Variants in NEBL observed in about 807,000 individuals in gnomAD.
The protein encoded by NEBL is LIM and SH3 protein 2.
In NEBL, 122 loss-of-function variants were observed where a neutral mutation model predicts 140.2. The ratio of observed to expected loss-of-function variants is 0.87; its 90% CI spans 0.75 to 1.01. The LOEUF (loss-of-function observed/expected upper bound fraction) is 1.01, where lower values mean the gene tolerates loss of function less well. NEBL is among the 50% of genes least tolerant of loss of function. The probability of loss-of-function intolerance (pLI) is 0.00; values close to 1 mark genes in which losing one functional copy is unlikely to be tolerated. For synonymous variants in NEBL, 436 were observed against 398.9 expected (o/e 1.09, Z -1.11); for missense variants, 1,365 against 1,231.3 (o/e 1.11, Z -1.62).
intron 3 of NEBL, among the ~76,000 whole-genome samples, chr10:21,015,510 G>T (rs1414601806): frequency 6.6e-6 from 1 of 152,090 alleles, no homozygotes; most frequent in Admixed American, 6.5e-5. Flanking sequence ...TCTGTTTTTT[G>T]GGGTTTTTTG....
intron 4 of NEBL, among the ~76,000 whole-genome samples, chr10:20,932,831 A>G (rs1834261225): frequency 6.6e-6 from 1 of 152,344 alleles, no homozygotes; most frequent in Non-Finnish European, 1.5e-5. Flanking sequence ...TAACCTCAGC[A>G]ATCCCTAACT....
At chr10:20,996,256 A>G (rs192744430) in intron 3 of NEBL, among the ~76,000 whole-genome samples, 13 of 152,328 alleles carry the variant, frequency 8.5e-5, no homozygotes, top group Admixed American at 7.2e-4. Flanking sequence ...CCCAGGGGGT[A>G]GGGCAAACTA....
intron 3 of NEBL, among the ~76,000 whole-genome samples, chr10:21,228,189 T>C (rs904979353): frequency 6.6e-6 from 1 of 152,090 alleles, no homozygotes; most frequent in African/African-American, 2.4e-5. Flanking sequence ...GATCTCACTG[T>C]GTCACCCAGG....
chr10:21,253,676 T>A (rs2132274542), intron 1 of NEBL, among the ~76,000 whole-genome samples: 1 of 151,904 alleles, frequency 6.6e-6, no homozygotes, highest in East Asian at 1.9e-4. Flanking sequence ...CCCGAGTAGC[T>A]GGGATTACAG....
intron 22 of NEBL, among the ~76,000 whole-genome samples, chr10:20,814,376 A>T (rs1169360141): frequency 6.6e-6 from 1 of 151,862 alleles, no homozygotes; most frequent in Non-Finnish European, 1.5e-5. Flanking sequence ...TGGGAGGATG[A>T]CTTGAGGCCT....
intron 10 of NEBL, among the ~76,000 whole-genome samples, chr10:20,851,856 A>C (rs566851059): frequency 6.6e-6 from 1 of 152,304 alleles, no homozygotes; most frequent in Admixed American, 6.5e-5. Flanking sequence ...TTCCAAACTT[A>C]AAGGGGAACT....
chr10:20,970,716 T>C (rs570139045), intron 3 of NEBL, among the ~76,000 whole-genome samples: 229 of 152,254 alleles, frequency 1.5e-3, no homozygotes, highest in Middle Eastern at 6.8e-3. Flanking sequence ...ATATATCATC[T>C]TCAGATAAAT....
At chr10:20,853,045 G>A (rs1460806572) in intron 9 of NEBL, among the ~76,000 whole-genome samples, 1 of 152,126 alleles carries the variant, frequency 6.6e-6, no homozygotes, top group Non-Finnish European at 1.5e-5. Context: ...CAAAAGAAGA[G>A]AAGGAAAGAA....
In NEBL at chr10:21,234,333, T is replaced by C. The variant is rs79209710; in HGVS notation, n.348+13588A>G. On this transcript the variant is annotated intron_variant and non_coding_transcript_variant, in intron 3 of 8. Coordinates refer to the NEBL transcript ENST00000675702. ...GAACAGCTTGGTGCTATCCTATCAG[T>C]AATGAGTTCACCAGAGAGCGGGTTG... is the stretch of plus-strand genomic sequence containing the variant. 1.1e-4 allele frequency among the ~76,000 whole-genome samples: 17 copies of C among 152,182 alleles called. No individual in the cohort carries two copies. In the East Asian group the frequency reaches 3.1e-3, roughly 28 times the overall value.
At chr10:21,116,536 G>A (rs74865003) in intron 2 of NEBL, among the ~76,000 whole-genome samples, 2,679 of 152,242 alleles carry the variant, frequency 0.018, 71 homozygotes, top group African/African-American at 0.062. Flanking sequence ...GATGAGGAGG[G>A]TCACAATTCA....
rs528255944 is a variant in NEBL, at chr10:20,886,145, A to C, written c.369+1952T>G. Among the ~76,000 whole-genome samples, 59 of 152,328 alleles carry C rather than the reference A, an allele frequency of 3.9e-4. 1 individual carries two copies. The highest frequency in any genetic ancestry group is 2.5e-3 in the Admixed American group (39 of 15,308). ...CATGGCACACGTTTACCTATGTAACAAATCTGCGCATCCTGCACATGTACC... is the reference window on the plus strand; with the variant it reads ...CATGGCACACGTTTACCTATGTAACCAATCTGCGCATCCTGCACATGTACC... On this transcript the variant is annotated intron_variant, in intron 4 of 27. Transcript: ENST00000377122.
intron 26 of NEBL, among the ~76,000 whole-genome samples, chr10:20,799,479 C>T (rs966647451): frequency 1.3e-5 from 2 of 152,168 alleles, no homozygotes; most frequent in Non-Finnish European, 2.9e-5. Flanking sequence ...ATCATCAATT[C>T]TTCATATCTT....
At chr10:21,260,276 T>C (rs982576955) in intron 1 of NEBL, among the ~76,000 whole-genome samples, 5 of 152,144 alleles carry the variant, frequency 3.3e-5, no homozygotes, top group African/African-American at 9.7e-5. Flanking sequence ...TCCAACCCTA[T>C]CTGCTTAAGA....
rs1306907546 is a variant in NEBL, at chr10:21,028,249, A to AG, written c.165-8049_165-8048insC. 9.5e-3 allele frequency among the ~76,000 whole-genome samples: 1,391 copies of AG among 146,392 alleles called. 33 individuals are homozygous for AG. Among genetic ancestry groups the AG allele is most frequent in the Admixed American group, 0.049 (663 of 13,662 alleles). On this transcript the variant is annotated intron_variant, in intron 2 of 6. Coordinates refer to the NEBL transcript ENST00000417816. ...CTCAAACATCTCAAAAAAAAAAAAA[A>AG]AAAAAAAGAAGAAGAAGAAGAAGAA...
chr10:21,193,277 C>A, intron 3 of NEBL, among the ~76,000 whole-genome samples: 1 of 152,150 alleles, frequency 6.6e-6, no homozygotes, highest in Middle Eastern at 3.2e-3. Flanking sequence ...AGCCAGAGAT[C>A]TGAGCTCACA....
chr10:21,181,631 G>T (rs1365770715), intron 3 of NEBL, among the ~76,000 whole-genome samples: 2 of 152,176 alleles, frequency 1.3e-5, no homozygotes, highest in African/African-American at 2.4e-5. Context: ...ACCTTTCCGG[G>T]TGAGCTTCTT....
Position 21,184,990 on chromosome 10 carries a change from G to T in NEBL, n.349-12513C>A, listed in dbSNP as rs766770294. 2.0e-5 allele frequency among the ~76,000 whole-genome samples: 3 copies of T among 152,076 alleles called. No homozygotes were observed. The South Asian group carries it at 6.2e-4, about 32-fold the overall frequency. ...GTCAACTCTTCTGTAAAGCATGAGGGCTTTGTTTTGAAGATTGCTATCTTA... is the reference window on the plus strand; with the variant it reads ...GTCAACTCTTCTGTAAAGCATGAGGTCTTTGTTTTGAAGATTGCTATCTTA... On this transcript the variant is annotated intron_variant and non_coding_transcript_variant, in intron 3 of 8. Coordinates refer to the NEBL transcript ENST00000675702.
chr10:20,848,713 C>A (rs922731714), intron 11 of NEBL, among the ~76,000 whole-genome samples: 14 of 152,264 alleles, frequency 9.2e-5, no homozygotes, highest in Middle Eastern at 3.4e-3. Context: ...CATCCTAAAA[C>A]CATCCCCTCC....
chr10:20,806,426 C>A (rs549782480), intron 26 of NEBL, among the ~76,000 whole-genome samples: 1 of 152,154 alleles, frequency 6.6e-6, no homozygotes, highest in South Asian at 2.1e-4. Context: ...CCAATGCATG[C>A]GTCTGTCCTA....
Sources: allele counts gnomAD v4.1 joint callset (sites outside exome capture counted in the v4.1 genomes callset), GRCh38; gene constraint gnomAD v4.1.1; transcripts MANE v1.5; gene names NCBI Gene and HGNC (gene_info 2026-07-23, HGNC 2026-07-21).